DNAI4: variants seen among roughly 807,000 people sequenced by gnomAD.
DNAI4 encodes the protein WD repeat domain 78.
Under a neutral mutation model 105.8 loss-of-function variants are expected in DNAI4, and 85 were observed. The observed-to-expected ratio is 0.80, with a 90% CI of 0.67 to 0.96. DNAI4 has a LOEUF of 0.96. Among genes scored for constraint, DNAI4 ranks in the 40% least tolerant of loss-of-function variants. The probability of loss-of-function intolerance (pLI) is 0.00; values close to 1 mark genes in which losing one functional copy is unlikely to be tolerated. For synonymous variants in DNAI4, 352 were observed against 331.5 expected, an observed-to-expected ratio of 1.06 and a Z score of -0.67; for missense variants, 1,014 against 1,005.6, an observed-to-expected ratio of 1.01 and a Z score of -0.11.
intron 7 of DNAI4, among the ~76,000 whole-genome samples, chr1:66,861,198 A>C (rs1414048997): frequency 6.6e-6 from 1 of 152,184 alleles, no homozygotes; most frequent in Non-Finnish European, 1.5e-5. Context: ...CGAAATACTT[A>C]TACTTACTGA....
chr1:66,868,874 G>C (rs765812284), intron 6 of DNAI4, among the ~76,000 whole-genome samples: 5 of 151,566 alleles, frequency 3.3e-5, no homozygotes, highest in Non-Finnish European at 5.9e-5. Flanking sequence ...TCAGGAGATC[G>C]AGACCATCCT....
At chr1:66,864,438 AG>A (rs1234309850) in intron 6 of DNAI4, among the ~76,000 whole-genome samples, 2 of 152,232 alleles carry the variant, frequency 1.3e-5, no homozygotes, top group Admixed American at 6.5e-5. Flanking sequence ...ATGTTTAAAT[AG>A]TTGCTAAAAG....
At chr1:66,841,471 TG>T (rs1487479441) in intron 8 of DNAI4, among the ~76,000 whole-genome samples, 1 of 152,216 alleles carries the variant, frequency 6.6e-6, no homozygotes, top group Admixed American at 6.5e-5. Flanking sequence ...AGTCACCAAC[TG>T]GTTAAGTTTA....
intron 7 of DNAI4, among the ~76,000 whole-genome samples, chr1:66,853,387 G>T (rs1212851949): frequency 6.6e-6 from 1 of 152,142 alleles, no homozygotes; most frequent in African/African-American, 2.4e-5. Context: ...GCAGCTGTAG[G>T]GTATATTGAG....
chr1:66,837,686 G>A, intron 10 of DNAI4, 24 bp downstream of exon 10: 1 of 1,589,182 alleles, frequency 6.3e-7, no homozygotes, highest in Non-Finnish European at 8.6e-7. Flanking sequence ...AGATAAAAAT[G>A]CTTCTTATTC....
chr1:66,825,601 T>C (rs575512110), intron 15 of DNAI4, among the ~76,000 whole-genome samples: 10 of 152,354 alleles, frequency 6.6e-5, no homozygotes, highest in African/African-American at 2.4e-4. Flanking sequence ...CCTAGTGTCC[T>C]CAAAAGAAGA....
At chr1:66,844,494 C>T (rs1040078990) in intron 8 of DNAI4, among the ~76,000 whole-genome samples, 2 of 151,858 alleles carry the variant, frequency 1.3e-5, no homozygotes, top group African/African-American at 2.4e-5. Context: ...GCCCGGGAGG[C>T]GGAGGTTGTG....
intron 7 of DNAI4, among the ~76,000 whole-genome samples, chr1:66,856,007 G>A (rs1646492108): frequency 6.6e-6 from 1 of 151,376 alleles, no homozygotes; most frequent in South Asian, 2.1e-4. Context: ...GCTAATTTTT[G>A]TATTTTTTAG....
rs78412404 is a variant in DNAI4 at position 66,888,029 on chromosome 1, T to G, written c.643+3125A>C. 7.1e-3 allele frequency among the ~76,000 whole-genome samples: 1,077 copies of G among 152,296 alleles called. 6 individuals carry two copies. The highest frequency in any genetic ancestry group is 0.024 in the African/African-American group (1,014 of 41,554). Reference sequence around the variant, plus strand: ...TATCTATTGTATCTGTATGGTGGTGTGCTACTAAGTATCTATTTGTAACTT... The same window carrying G: ...TATCTATTGTATCTGTATGGTGGTGGGCTACTAAGTATCTATTTGTAACTT... On this transcript the variant is annotated intron_variant, in intron 4 of 16. Coordinates refer to ENST00000371026, the MANE Select transcript of DNAI4 (RefSeq NM_024763.5).
intron 4 of DNAI4, among the ~76,000 whole-genome samples, chr1:66,877,727 C>A (rs981544760): frequency 1.3e-5 from 2 of 152,088 alleles, no homozygotes; most frequent in African/African-American, 4.8e-5. Flanking sequence ...CATGATGTCT[C>A]CTTACGGCTC....
At chr1:66,842,178 T>C (rs1263273659) in intron 8 of DNAI4, among the ~76,000 whole-genome samples, 1 of 152,224 alleles carries the variant, frequency 6.6e-6, no homozygotes, top group Non-Finnish European at 1.5e-5. Context: ...TGATGAATAA[T>C]ATTCCATTGT....
At chr1:66,853,898 G>A (rs562685547) in intron 7 of DNAI4, among the ~76,000 whole-genome samples, 1 of 152,090 alleles carries the variant, frequency 6.6e-6, no homozygotes, top group Non-Finnish European at 1.5e-5. Context: ...GAAATAAAAG[G>A]CATGTAGATC....
rs80236677 is a variant in DNAI4 at position 66,815,577 on chromosome 1, T to C, written c.2497-1397A>G. ...CAGAGAAAAACATGGTAAACATTTGTATAATGAACCATAATAGTAAAAATA... is the reference window on the plus strand; with the variant it reads ...CAGAGAAAAACATGGTAAACATTTGCATAATGAACCATAATAGTAAAAATA... On this transcript the variant is annotated intron_variant, in intron 16 of 16. Coordinates refer to ENST00000371026, the MANE Select transcript of DNAI4 (RefSeq NM_024763.5). Among the ~76,000 whole-genome samples the C allele has an allele frequency of 4.9e-4, 75 of 152,304 alleles. No individual in the cohort carries two copies. In the East Asian group the frequency reaches 0.011, roughly 22 times the overall value.
intron 8 of DNAI4, among the ~76,000 whole-genome samples, chr1:66,847,026 T>C (rs996703559): frequency 1.3e-5 from 2 of 152,164 alleles, no homozygotes; most frequent in South Asian, 2.1e-4. Context: ...AGGTTGAATA[T>C]GAGAGATACT....
At chr1:66,834,298 A>T in intron 11 of DNAI4, 150 bp from the exon 12 acceptor site, 2 of 600,574 alleles carry the variant, frequency 3.3e-6, no homozygotes, top group Non-Finnish European at 5.0e-6. Flanking sequence ...TATTTTAAAT[A>T]TTTTTAAAAA....
At position 66,847,429 on chromosome 1, in the gene DNAI4, A is replaced by T. The variant is rs564033795; in HGVS notation, c.1291+55T>A. 1.8e-4 allele frequency: 276 copies of T among 1,526,114 alleles called. 1 individual carries two copies. In the East Asian group the frequency reaches 5.4e-3, roughly 30 times the overall value. The allele number at this position is 1,526,114 out of a possible 1,614,324, so 94.5% of individuals were successfully genotyped here. A position where few individuals can be genotyped will look rare whatever the true frequency, so the allele number is the denominator to read the frequency against. ...TTCCTCAGCCTCCCAAAGTACTGGG[A>T]TTATAAGCATAAGCAACTGCACCCA... On this transcript the variant is annotated intron_variant, in intron 8 of 16. Transcript: ENST00000371026.
chr1:66,899,728 A>C (rs543779508), intron 2 of DNAI4, among the ~76,000 whole-genome samples: 1 of 152,282 alleles, frequency 6.6e-6, no homozygotes, highest in African/African-American at 2.4e-5. Flanking sequence ...ATAAATTTTG[A>C]ATTAGTTTGA....
At chr1:66,824,729 A>G (rs1645712576) in intron 15 of DNAI4, among the ~76,000 whole-genome samples, 1 of 152,124 alleles carries the variant, frequency 6.6e-6, no homozygotes, top group Non-Finnish European at 1.5e-5. Context: ...TTGGTGTATA[A>G]GAATGCTTGT....
intron 7 of DNAI4, 130 bp downstream of exon 7, chr1:66,862,017 G>T: frequency 2.4e-6 from 2 of 850,502 alleles, no homozygotes; most frequent in Non-Finnish European, 3.5e-6. Context: ...GAGTAATAGT[G>T]CTATTTCTGA....
Sources: gnomAD v4.1 joint callset for allele counts (sites outside exome capture counted in the v4.1 genomes callset) on GRCh38, gnomAD v4.1.1 for gene constraint, MANE v1.5 for transcripts, NCBI Gene and HGNC (gene_info 2026-07-23, HGNC 2026-07-21) for gene names.